Variants in TSHZ3 observed in about 807,000 individuals in gnomAD.
The protein encoded by TSHZ3 is teashirt zinc finger homeobox 3, also known as teashirt homolog 3.
Under a neutral mutation model 64.5 loss-of-function variants are expected in TSHZ3, and 10 were observed. That is an observed-to-expected ratio of 0.16 (90% CI 0.10 to 0.26). TSHZ3 has a LOEUF of 0.26. TSHZ3 is among the 10% of genes least tolerant of loss of function. The pLI is 1.00. For missense variants in TSHZ3, 1,242 were observed against 1,421.7 expected, an observed-to-expected ratio of 0.87 and a Z score of 2.03; for synonymous variants, 608 against 593.1, an observed-to-expected ratio of 1.03 and a Z score of -0.36.
chr19:31,342,722 C>T (rs1917473377), intron 1 of TSHZ3, among the ~76,000 whole-genome samples: 1 of 152,206 alleles, frequency 6.6e-6, no homozygotes, highest in South Asian at 2.1e-4. Flanking sequence ...CCAAACAGCC[C>T]TTTGCTCTCC....
intron 1 of TSHZ3, among the ~76,000 whole-genome samples, chr19:31,285,012 T>C (rs1340010375): frequency 6.6e-6 from 1 of 152,150 alleles, no homozygotes; most frequent in Admixed American, 6.5e-5. Context: ...CCTAGGCAAG[T>C]TCTGTCTGAG....
At chr19:31,209,569 G>T (rs1975233818) in intron 4 of TSHZ3, among the ~76,000 whole-genome samples, 1 of 152,194 alleles carries the variant, frequency 6.6e-6, no homozygotes, top group South Asian at 2.1e-4. Flanking sequence ...CCAGAGCCAG[G>T]CACTGAGAAG....
intron 5 of TSHZ3, among the ~76,000 whole-genome samples, chr19:31,186,815 C>T (rs769975819): frequency 6.6e-5 from 10 of 152,058 alleles, no homozygotes; most frequent in Admixed American, 2.0e-4. Context: ...CTTCTGATCA[C>T]TTTTTATATG....
At position 31,349,300 on chromosome 19, in the gene TSHZ3, G is replaced by A. The variant is rs1205559579; in HGVS notation, c.-81C>T. The stretch of plus-strand genomic sequence containing the variant: ...CAGGGAGGGAGGGGGCGGCGGGCCC[G>A]CGGGGGGGCGAGGCGGGCCTGCTCT... On this transcript the variant is annotated 5_prime_UTR_variant, in exon 1 of 2. Transcript: ENST00000240587. 1.2e-5 allele frequency: 17 copies of A among 1,399,026 alleles called. No homozygotes were observed. Among genetic ancestry groups the A allele is most frequent in the Non-Finnish European group, 1.5e-5 (16 of 1,061,088 alleles). The allele number at this position is 1,399,026 out of a possible 1,614,324, so 86.7% of individuals were successfully genotyped here.
intron 1 of TSHZ3, among the ~76,000 whole-genome samples, chr19:31,290,251 C>T (rs961024707): frequency 6.6e-6 from 1 of 152,152 alleles, no homozygotes; most frequent in African/African-American, 2.4e-5. Context: ...GCCTGGATTG[C>T]CACTAACCAA....
intron 5 of TSHZ3, among the ~76,000 whole-genome samples, chr19:31,158,708 C>A (rs562618125): frequency 1.3e-5 from 2 of 152,200 alleles, no homozygotes; most frequent in East Asian, 1.9e-4. Flanking sequence ...TCAGTGGGAG[C>A]CCTGAACTCA....
At chr19:31,253,721 T>C (rs1568360450) in intron 1 of TSHZ3, among the ~76,000 whole-genome samples, 1 of 152,120 alleles carries the variant, frequency 6.6e-6, no homozygotes, top group Non-Finnish European at 1.5e-5. Flanking sequence ...CGCTTTCCTG[T>C]GCACATATAA....
chr19:31,181,231 A>G (rs1373140526), intron 5 of TSHZ3, among the ~76,000 whole-genome samples: 3 of 152,070 alleles, frequency 2.0e-5, no homozygotes, highest in Admixed American at 1.3e-4. Context: ...GTGTCTCATG[A>G]TTTAGCGTGA....
At chr19:31,204,024 A>G (rs994649131) in intron 5 of TSHZ3, among the ~76,000 whole-genome samples, 1 of 152,136 alleles carries the variant, frequency 6.6e-6, no homozygotes, top group Non-Finnish European at 1.5e-5. Flanking sequence ...CATGGCTGCA[A>G]GAGAGCGAAG....
intron 1 of TSHZ3, among the ~76,000 whole-genome samples, chr19:31,292,908 C>CCCATCCATCCAACCAAAAAT (rs1976595179): frequency 6.8e-6 from 1 of 146,194 alleles, no homozygotes; most frequent in South Asian, 2.2e-4. Flanking sequence ...CATCCATCCA[C>CCCATCCATCCAACCAAAAAT]CCATCCATCC....
At chr19:31,248,515 C>T (rs1975787810) in intron 1 of TSHZ3, among the ~76,000 whole-genome samples, 1 of 152,062 alleles carries the variant, frequency 6.6e-6, no homozygotes, top group African/African-American at 2.4e-5. Flanking sequence ...ATACTCAAAA[C>T]TCTGGGTCCA....
At chr19:31,232,302 A>C (rs1240102794) in intron 3 of TSHZ3, among the ~76,000 whole-genome samples, 1 of 152,176 alleles carries the variant, frequency 6.6e-6, no homozygotes, top group Non-Finnish European at 1.5e-5. Flanking sequence ...GTCAATGAAT[A>C]AATGAACGCT....
intron 4 of TSHZ3, among the ~76,000 whole-genome samples, chr19:31,210,766 T>C (rs1404788198): frequency 6.6e-6 from 1 of 152,190 alleles, no homozygotes; most frequent in Non-Finnish European, 1.5e-5. Context: ...GAAAACAACC[T>C]TAAGTAATGT....
intron 1 of TSHZ3, among the ~76,000 whole-genome samples, chr19:31,314,058 C>G (rs1317109010): frequency 1.3e-5 from 2 of 152,168 alleles, no homozygotes; most frequent in African/African-American, 4.8e-5. Context: ...GTGCCTGCCT[C>G]TCGAGTGGCT....
intron 1 of TSHZ3, among the ~76,000 whole-genome samples, chr19:31,296,621 C>A (rs1017729203): frequency 6.6e-6 from 1 of 152,168 alleles, no homozygotes; most frequent in South Asian, 2.1e-4. Flanking sequence ...CAGGCGTGGG[C>A]CACCTTGCCC....
intron 5 of TSHZ3, among the ~76,000 whole-genome samples, chr19:31,168,464 C>T (rs1351783089): frequency 1.3e-5 from 2 of 152,196 alleles, no homozygotes; most frequent in Middle Eastern, 3.2e-3. Context: ...CAAATTCACC[C>T]TTTCAAGATT....
At chr19:31,254,061 C>G (rs1402912817) in intron 1 of TSHZ3, among the ~76,000 whole-genome samples, 1 of 152,128 alleles carries the variant, frequency 6.6e-6, no homozygotes. Flanking sequence ...CACAGACAAC[C>G]TCCCATACTA....
At chr19:31,347,592 A>T (rs2021555559) in intron 1 of TSHZ3, among the ~76,000 whole-genome samples, 1 of 152,190 alleles carries the variant, frequency 6.6e-6, no homozygotes, top group African/African-American at 2.4e-5. Context: ...TTAAAGTAGA[A>T]GGTGGGACGG....
chr19:31,280,973 G>A (rs1439670394), intron 1 of TSHZ3, among the ~76,000 whole-genome samples: 2 of 152,206 alleles, frequency 1.3e-5, no homozygotes, highest in Non-Finnish European at 2.9e-5. Flanking sequence ...GGAGTGGCCA[G>A]CCCTGTGGCT....
Sources: gnomAD v4.1 joint callset for allele counts (sites outside exome capture counted in the v4.1 genomes callset) on GRCh38, gnomAD v4.1.1 for gene constraint, MANE v1.5 for transcripts, NCBI Gene and HGNC (gene_info 2026-07-23, HGNC 2026-07-21) for gene names.